Variants in KSR2 observed in about 807,000 individuals in gnomAD.
KSR2 encodes kinase suppressor of ras 2.
A neutral mutation model predicts 107.8 loss-of-function variants in KSR2; 25 were observed. The ratio of observed to expected loss-of-function variants is 0.23; its 90% CI spans 0.17 to 0.32. KSR2 has a LOEUF of 0.32. KSR2 is among the 10% of genes least tolerant of loss of function. KSR2 has a pLI of 1.00. For missense variants in KSR2, 887 were observed against 1,268.9 expected (o/e 0.70, Z 4.57); for synonymous variants, 480 against 507.0 (o/e 0.95, Z 0.71).
chr12:117,950,768 AATG>A (rs954724236), intron 1 of KSR2, among the ~76,000 whole-genome samples: 5 of 148,610 alleles, frequency 3.4e-5, no homozygotes, highest in South Asian at 4.2e-4. Flanking sequence ...TAATAATAAT[AATG>A]ATAATAATAA....
At chr12:117,572,895 G>A (rs899166625) in intron 7 of KSR2, among the ~76,000 whole-genome samples, 2 of 152,136 alleles carry the variant, frequency 1.3e-5, no homozygotes, top group Admixed American at 1.3e-4. Context: ...GGGGAAGAAT[G>A]CAGATGACAC....
intron 5 of KSR2, among the ~76,000 whole-genome samples, chr12:117,604,614 A>G (rs553697784): frequency 6.6e-6 from 1 of 152,278 alleles, no homozygotes; most frequent in Admixed American, 6.5e-5. Context: ...ATAAAGGGGG[A>G]TCCTCTCCAT....
At chr12:117,563,110 C>T (rs903553948) in intron 7 of KSR2, among the ~76,000 whole-genome samples, 1 of 152,096 alleles carries the variant, frequency 6.6e-6, no homozygotes, top group Non-Finnish European at 1.5e-5. Context: ...CAAAATGTGG[C>T]TTTTCCTTTT....
chr12:117,679,693 G>A (rs1885290724), intron 4 of KSR2, among the ~76,000 whole-genome samples: 1 of 152,120 alleles, frequency 6.6e-6, no homozygotes, highest in African/African-American at 2.4e-5. Context: ...ATCTGGGTGT[G>A]TAAAACTCAA....
chr12:117,613,034 A>G (rs1881690569), intron 5 of KSR2, among the ~76,000 whole-genome samples: 1 of 152,220 alleles, frequency 6.6e-6, no homozygotes, highest in South Asian at 2.1e-4. Context: ...GAAATTACCC[A>G]GTCTCTGGTA....
At chr12:117,710,691 A>G (rs1886733804) in intron 4 of KSR2, among the ~76,000 whole-genome samples, 1 of 152,212 alleles carries the variant, frequency 6.6e-6, no homozygotes, top group African/African-American at 2.4e-5. Flanking sequence ...CGTAAGAATT[A>G]AAGAAGCTAT....
At chr12:117,690,774 A>G (rs1249772683) in intron 4 of KSR2, among the ~76,000 whole-genome samples, 1 of 152,190 alleles carries the variant, frequency 6.6e-6, no homozygotes, top group Non-Finnish European at 1.5e-5. Flanking sequence ...AACAACAACA[A>G]CAACAAAAAC....
chr12:117,780,018 C>T (rs1478775945), intron 3 of KSR2, among the ~76,000 whole-genome samples: 1 of 152,184 alleles, frequency 6.6e-6, no homozygotes, highest in East Asian at 1.9e-4. Context: ...ACAGAATTCA[C>T]ACCCTACCCA....
At chr12:117,515,674 C>T (rs1874323217) in intron 14 of KSR2, among the ~76,000 whole-genome samples, 1 of 152,116 alleles carries the variant, frequency 6.6e-6, no homozygotes, top group South Asian at 2.1e-4. Context: ...GCCTGTAATC[C>T]CAGCACTTTG....
chr12:117,766,449 A>AACTCTATT (rs1317111501), intron 3 of KSR2, among the ~76,000 whole-genome samples: 1 of 152,206 alleles, frequency 6.6e-6, no homozygotes, highest in Non-Finnish European at 1.5e-5. Flanking sequence ...GGGTGATGAA[A>AACTCTATT]TAGGTTTGGA....
At chr12:117,733,274 A>C (rs1182200231) in intron 4 of KSR2, among the ~76,000 whole-genome samples, 1 of 152,102 alleles carries the variant, frequency 6.6e-6, no homozygotes, top group Non-Finnish European at 1.5e-5. Context: ...TGCATGCTAT[A>C]GTCCAGCCAC....
At chr12:117,855,635 AC>A in intron 2 of KSR2, 57 bp from the exon 3 acceptor site, 1 of 1,567,588 alleles carries the variant, frequency 6.4e-7, no homozygotes, top group Non-Finnish European at 8.8e-7. Context: ...CTCTGCCTCC[AC>A]GCTGCCCTGT....
chr12:117,605,993 C>CAAA, intron 5 of KSR2, among the ~76,000 whole-genome samples: 1 of 152,096 alleles, frequency 6.6e-6, no homozygotes. Context: ...ACAATGGGAC[C>CAAA]AGAGAGAGGA....
At chr12:117,657,440 C>T (rs142960195) in intron 5 of KSR2, among the ~76,000 whole-genome samples, 3,769 of 152,274 alleles carry the variant, frequency 0.025, 70 homozygotes, top group Non-Finnish European at 0.04. Flanking sequence ...AAACAAAACA[C>T]TTAGGTTGGG....
intron 1 of KSR2, among the ~76,000 whole-genome samples, chr12:117,860,881 G>A (rs1893268564): frequency 6.6e-6 from 1 of 152,164 alleles, no homozygotes; most frequent in Admixed American, 6.5e-5. Flanking sequence ...ACCATGCCTG[G>A]CTAATTTTTG....
chr12:117,935,520 G>A (rs1423051873), intron 1 of KSR2, among the ~76,000 whole-genome samples: 1 of 152,128 alleles, frequency 6.6e-6, no homozygotes, highest in East Asian at 1.9e-4. Context: ...AGCACTTTTG[G>A]GAGGCCGAGG....
At chr12:117,913,515 A>T (rs1031850497) in intron 1 of KSR2, among the ~76,000 whole-genome samples, 3 of 152,188 alleles carry the variant, frequency 2.0e-5, no homozygotes, top group Non-Finnish European at 4.4e-5. Flanking sequence ...TGAAGAGGAG[A>T]TCATACTCAA....
intron 7 of KSR2, among the ~76,000 whole-genome samples, chr12:117,572,170 C>G (rs1401687195): frequency 1.3e-5 from 2 of 152,216 alleles, no homozygotes; most frequent in Non-Finnish European, 2.9e-5. Flanking sequence ...TTCCTCGGCC[C>G]AGAGCACCCT....
At chr12:117,836,901 G>T (rs561519799) in intron 3 of KSR2, among the ~76,000 whole-genome samples, 54 of 152,396 alleles carry the variant, frequency 3.5e-4, no homozygotes, top group Non-Finnish European at 7.2e-4. Flanking sequence ...TCTCCCAAGG[G>T]AATGAAGCCA....
Sources: gnomAD v4.1 joint callset for allele counts (sites outside exome capture counted in the v4.1 genomes callset) on GRCh38, gnomAD v4.1.1 for gene constraint, MANE v1.5 for transcripts, NCBI Gene and HGNC (gene_info 2026-07-23, HGNC 2026-07-21) for gene names.